PLCL1: variants seen among roughly 807,000 people sequenced by gnomAD.
PLCL1 encodes phospholipase C like 1 (inactive).
PLCL1 carries 41 observed loss-of-function variants against 84.4 expected under a neutral mutation model. That is an observed-to-expected ratio of 0.49 (90% CI 0.38 to 0.63). The LOEUF (loss-of-function observed/expected upper bound fraction) is 0.63. Among genes scored for constraint, PLCL1 ranks in the 30% least tolerant of loss-of-function variants. The pLI is 0.00. For missense variants in PLCL1, 1,206 were observed against 1,367.8 expected, an observed-to-expected ratio of 0.88 and a Z score of 1.87; for synonymous variants, 490 against 488.3, an observed-to-expected ratio of 1.00 and a Z score of -0.05.
At chr2:197,990,814 T>C (rs1324440087) in intron 1 of PLCL1, among the ~76,000 whole-genome samples, 4 of 152,296 alleles carry the variant, frequency 2.6e-5, no homozygotes, top group African/African-American at 9.6e-5. Context: ...TTTGGAAAAC[T>C]CTTTGATGAC....
intron 5 of PLCL1, among the ~76,000 whole-genome samples, chr2:198,111,059 C>T (rs1693608979): frequency 6.6e-6 from 1 of 151,810 alleles, no homozygotes; most frequent in African/African-American, 2.4e-5. Context: ...GACGCTGCAG[C>T]CAGACACTTC....
intron 1 of PLCL1, among the ~76,000 whole-genome samples, chr2:197,967,794 T>C (rs778230034): frequency 6.6e-6 from 1 of 152,218 alleles, no homozygotes; most frequent in African/African-American, 2.4e-5. Flanking sequence ...ATCATGCATA[T>C]GAACTTTGAA....
At chr2:197,923,157 G>A (rs1688748179) in intron 1 of PLCL1, among the ~76,000 whole-genome samples, 1 of 145,680 alleles carries the variant, frequency 6.9e-6, no homozygotes, top group South Asian at 2.2e-4. Context: ...GGGGCGGCCG[G>A]GCAGAGGCGC....
rs551896431 is a variant in PLCL1 at position 197,947,731 on chromosome 2, G to A, written c.241-136027G>A. Among the ~76,000 whole-genome samples, 103 of 152,272 alleles carry A rather than the reference G, an allele frequency of 6.8e-4. No individual in the cohort carries two copies. In the Middle Eastern group the frequency reaches 0.027, roughly 40 times the overall value. ...ATGCAGAGTGATTATCCTCTGCTCT[G>A]AGTGCACACTTAACAAAAACCTCCA... On this transcript the variant is annotated intron_variant, in intron 1 of 5. Coordinates refer to ENST00000428675, the MANE Select transcript of PLCL1 (RefSeq NM_006226.4).
At chr2:198,101,426 T>G in intron 4 of PLCL1, 66 bp downstream of exon 4, 1 of 888,980 alleles carries the variant, frequency 1.1e-6, no homozygotes, top group Non-Finnish European at 1.8e-6. Flanking sequence ...TAATAATTCT[T>G]GGTAGATTTT....
At chr2:198,130,921 G>A (rs892138415) in intron 5 of PLCL1, among the ~76,000 whole-genome samples, 5 of 152,062 alleles carry the variant, frequency 3.3e-5, no homozygotes, top group Admixed American at 2.6e-4. Context: ...ATGTAAAGCT[G>A]GTCATGGCCA....
intron 1 of PLCL1, among the ~76,000 whole-genome samples, chr2:198,079,560 G>T (rs895659697): frequency 6.6e-6 from 1 of 151,978 alleles, no homozygotes; most frequent in African/African-American, 2.4e-5. Context: ...AATCAATCTT[G>T]TGTTGTTTTA....
At chr2:197,908,669 C>T (rs1374430883) in intron 1 of PLCL1, among the ~76,000 whole-genome samples, 1 of 152,088 alleles carries the variant, frequency 6.6e-6, no homozygotes, top group Non-Finnish European at 1.5e-5. Flanking sequence ...ATACCTTAGA[C>T]CCGATAAGCA....
At chr2:198,120,177 T>TA (rs374892232) in intron 5 of PLCL1, among the ~76,000 whole-genome samples, 5 of 151,742 alleles carry the variant, frequency 3.3e-5, no homozygotes, top group Non-Finnish European at 7.4e-5. Flanking sequence ...GGTCTACTCT[T>TA]AAAAAAAATA....
chr2:198,130,823 T>G (rs1694101513), intron 5 of PLCL1, among the ~76,000 whole-genome samples: 1 of 152,162 alleles, frequency 6.6e-6, no homozygotes, highest in East Asian at 1.9e-4. Flanking sequence ...ACCTTAGTTA[T>G]CTTCATTTAT....
chr2:197,866,879 A>G (rs558512324), intron 1 of PLCL1, among the ~76,000 whole-genome samples: 27 of 152,260 alleles, frequency 1.8e-4, no homozygotes, highest in African/African-American at 6.5e-4. Flanking sequence ...TTACACTTCT[A>G]TGCACTACCT....
At chr2:197,876,897 T>G (rs1687744754) in intron 1 of PLCL1, among the ~76,000 whole-genome samples, 2 of 152,174 alleles carry the variant, frequency 1.3e-5, no homozygotes, top group South Asian at 4.1e-4. Context: ...TTTATAGGCA[T>G]TTAGATGAGC....
chr2:197,966,978 A>AT (rs917359278), intron 1 of PLCL1, among the ~76,000 whole-genome samples: 6 of 149,158 alleles, frequency 4.0e-5, no homozygotes, highest in Admixed American at 6.7e-5. Context: ...ATCCATACTA[A>AT]TTTTTTTTAA....
At chr2:197,902,635 A>G (rs925392920) in intron 1 of PLCL1, among the ~76,000 whole-genome samples, 2 of 152,218 alleles carry the variant, frequency 1.3e-5, no homozygotes, top group Non-Finnish European at 2.9e-5. Flanking sequence ...TGGTATGAAG[A>G]ACAGGATGAA....
At chr2:198,124,900 A>G (rs1288334393) in intron 5 of PLCL1, among the ~76,000 whole-genome samples, 1 of 152,190 alleles carries the variant, frequency 6.6e-6, no homozygotes, top group Non-Finnish European at 1.5e-5. Context: ...CACTAGCCAT[A>G]GGTGTGCTAT....
At chr2:197,923,786 C>T (rs1020752216) in intron 1 of PLCL1, among the ~76,000 whole-genome samples, 4 of 152,154 alleles carry the variant, frequency 2.6e-5, no homozygotes, top group Non-Finnish European at 5.9e-5. Flanking sequence ...AATCTTGGCA[C>T]CCTGGGAGGC....
At chr2:197,911,983 A>T (rs1346524194) in intron 1 of PLCL1, among the ~76,000 whole-genome samples, 1 of 152,224 alleles carries the variant, frequency 6.6e-6, no homozygotes, top group Non-Finnish European at 1.5e-5. Context: ...TAATGCTTCC[A>T]GGATTATTTT....
rs1690449971 is a variant in PLCL1 at position 197,805,332 on chromosome 2, T to C, written c.233T>C (p.Ile78Thr). Reference sequence around the variant, plus strand: ...CGGGCGACCCCCCGGCGCAGCAGCATCATCAAGGTAAGCAAAGCCGCGCCG... The same window carrying C: ...CGGGCGACCCCCCGGCGCAGCAGCACCATCAAGGTAAGCAAAGCCGCGCCG... ...AARATPRRSSIIKDPSNQKCG... is the reference protein window; with the variant it reads ...AARATPRRSSTIKDPSNQKCG... The change falls in exon 1 of 6, where the codon ATC (isoleucine) becomes ACC (threonine). Residue 78 changes from isoleucine to threonine, a missense_variant. Coordinates refer to ENST00000428675, the MANE Select transcript of PLCL1 (RefSeq NM_006226.4). This position sits in a 1 kb window ranked among gnomAD's most constrained non-coding sequence, Gnocchi z 4.0. 1 of 1,327,476 alleles carries C rather than the reference T, an allele frequency of 7.5e-7. No individual in the cohort carries two copies. 82.2% of individuals were successfully genotyped at this position (1,327,476 alleles called of 1,614,324 possible).
chr2:198,104,428 A>G (rs1387054688), intron 5 of PLCL1, among the ~76,000 whole-genome samples: 1 of 151,928 alleles, frequency 6.6e-6, no homozygotes, highest in Admixed American at 6.6e-5. Flanking sequence ...CATTATCTTT[A>G]TCCAGTCCAC....
Sources: allele counts gnomAD v4.1 joint callset (sites outside exome capture counted in the v4.1 genomes callset), GRCh38; gene constraint gnomAD v4.1.1; non-coding constraint Gnocchi (gnomAD v3.1); transcripts MANE v1.5; gene names NCBI Gene and HGNC (gene_info 2026-07-23, HGNC 2026-07-21).